The following HP1BP3 variants were observed in gnomAD, a reference collection of about 807,000 sequenced individuals.
HP1BP3 encodes the protein heterochromatin protein 1-binding protein 3.
In HP1BP3, 12 loss-of-function variants were observed where a neutral mutation model predicts 62.5. That is an observed-to-expected ratio of 0.19 (90% CI 0.12 to 0.31). HP1BP3 has a LOEUF of 0.31. HP1BP3 is among the 10% of genes least tolerant of loss of function. The pLI is 1.00. For synonymous variants in HP1BP3, 260 were observed against 237.8 expected (o/e 1.09, Z -0.86); for missense variants, 502 against 651.8 (o/e 0.77, Z 2.50).
intron 10 of HP1BP3, 38 bp downstream of exon 10, chr1:20,749,685 C>T (rs780070092): frequency 1.1e-5 from 18 of 1,571,934 alleles, no homozygotes; most frequent in African/African-American, 2.7e-5. Flanking sequence ...AAAGAAAATT[C>T]TCCTAATCCC....
chr1:20,742,454 A>AT lies in HP1BP3; in HGVS notation c.*2342dup, dbSNP rs2055109164. ...GCAGTCTTTAATAAAATACAAAATG[A>AT]TTTTTTAAACCTTTGATTCATTAAG... On this transcript the variant is annotated 3_prime_UTR_variant, in exon 13 of 13. Coordinates refer to ENST00000438032, the MANE Select transcript of HP1BP3 (RefSeq NM_001372052.1). Among the ~76,000 whole-genome samples the AT allele has an allele frequency of 6.6e-6, 1 of 152,202 alleles. No homozygotes were observed. Among genetic ancestry groups the AT allele is most frequent in the Non-Finnish European group, 1.5e-5 (1 of 68,022 alleles).
At chr1:20,776,009 C>CAAAAAAAAAA in intron 4 of HP1BP3, 5 of 1,220,296 alleles carry the variant, frequency 4.1e-6, no homozygotes, top group South Asian at 1.9e-5. Flanking sequence ...AGCTCTCCTG[C>CAAAAAAAAAA]AAAAAAAAAA....
chr1:20,775,485 T>C (rs1417374127), intron 4 of HP1BP3: 1 of 152,238 alleles, frequency 6.6e-6, no homozygotes, highest in African/African-American at 2.4e-5. Flanking sequence ...TTAAAAGTTT[T>C]TAAAAATAAA....
In HP1BP3 at chr1:20,757,162, T is replaced by G; in HGVS notation, c.981+4A>C. On this transcript the variant is annotated splice_donor_region_variant and intron_variant, in intron 9 of 12. Coordinates refer to ENST00000438032, the MANE Select transcript of HP1BP3 (RefSeq NM_001372052.1). ...TCTCCACAACCAGGCCTCTGATCTC[T>G]AACCTGGAATGTCCCCGAAGCACCT... 2.5e-6 allele frequency: 4 copies of G among 1,597,916 alleles called. No individual in the cohort carries two copies. The highest frequency in any genetic ancestry group is 3.4e-6 in the Non-Finnish European group (4 of 1,167,004).
chr1:20,746,221 T>C (rs1310649489), intron 11 of HP1BP3, among the ~76,000 whole-genome samples: 2 of 151,388 alleles, frequency 1.3e-5, no homozygotes, highest in Non-Finnish European at 2.9e-5. Context: ...TGTGTGTGTG[T>C]GTGTGTTTCT....
intron 11 of HP1BP3, among the ~76,000 whole-genome samples, chr1:20,746,456 T>C (rs918621716): frequency 6.6e-6 from 1 of 152,198 alleles, no homozygotes; most frequent in Non-Finnish European, 1.5e-5. Context: ...GTAACACTTA[T>C]GTTTGTACAG....
chr1:20,769,249 T>G (rs577602867), intron 6 of HP1BP3, among the ~76,000 whole-genome samples: 109 of 152,200 alleles, frequency 7.2e-4, no homozygotes, highest in African/African-American at 2.3e-3. Flanking sequence ...ACCCCTACAT[T>G]TGGCTAATTT....
At chr1:20,758,995 T>C (rs887096230) in intron 8 of HP1BP3, among the ~76,000 whole-genome samples, 2 of 152,030 alleles carry the variant, frequency 1.3e-5, no homozygotes, top group Admixed American at 6.5e-5. Flanking sequence ...AAATACAACG[T>C]GTGGGCCATG....
intron 11 of HP1BP3, among the ~76,000 whole-genome samples, chr1:20,746,752 A>C (rs2055364474): frequency 6.6e-6 from 1 of 152,224 alleles, no homozygotes; most frequent in South Asian, 2.1e-4. Flanking sequence ...ATTAAAACTT[A>C]TGCATATAAT....
In HP1BP3 at chr1:20,747,631, T is replaced by C; in HGVS notation, c.1166A>G (p.Gln389Arg). ...CATCCACCCATTCTTTTCGCATTTC[T>C]GCAGGGTTTTTTTCAGCAAATGCAC... ...YQMHLLKKTLQKCEKNGWMEQ... is the reference protein window; with the variant it reads ...YQMHLLKKTLRKCEKNGWMEQ... The change falls in exon 11 of 13, where the codon CAG (glutamine) becomes CGG (arginine). Residue 389 changes from glutamine to arginine, a missense_variant. By Grantham distance (43) the Gln-to-Arg change is conservative. This residue lies in a region of HP1BP3 where 194 missense variants were observed against 207.0 expected (regional missense o/e 0.94). Coordinates refer to ENST00000438032, the MANE Select transcript of HP1BP3 (RefSeq NM_001372052.1). 1 of 1,613,284 alleles carries C rather than the reference T, an allele frequency of 6.2e-7. No individual in the cohort carries two copies. The highest frequency in any genetic ancestry group is 2.2e-5 in the East Asian group (1 of 44,856).
chr1:20,765,410 G>C lies in HP1BP3; in HGVS notation c.857C>G (p.Ser286Cys), dbSNP rs1344547211. Residue 286 changes from serine (S) to cysteine (C), a missense_variant, in exon 8 of 13, where the codon TCT (serine) becomes TGT (cysteine). Around this residue, in one of 5 missense-constraint regions of HP1BP3, gnomAD observed 111 missense variants for 242.0 expected, o/e 0.46. Transcript: ENST00000438032. Reference sequence around the variant, plus strand: ...CACTCTAAGCTTAGGATAATACTGAGACACATATTTCCTGATGAGACTGTA... The same window carrying C: ...CACTCTAAGCTTAGGATAATACTGACACACATATTTCCTGATGAGACTGTA... ...ASYSLIRKYV[S>C]QYYPKLRVDI... 6.2e-7 allele frequency: 1 copy of C among 1,613,128 alleles called. No individual in the cohort carries two copies. The highest frequency in any genetic ancestry group is 8.5e-7 in the Non-Finnish European group (1 of 1,179,506).
chr1:20,778,309 C>T (rs934309813), intron 3 of HP1BP3, among the ~76,000 whole-genome samples: 2 of 152,150 alleles, frequency 1.3e-5, no homozygotes, highest in Non-Finnish European at 2.9e-5. Context: ...ATAGAGTTTA[C>T]AAAATTTAAA....
At chr1:20,760,381 T>G (rs2056397443) in intron 8 of HP1BP3, among the ~76,000 whole-genome samples, 1 of 152,012 alleles carries the variant, frequency 6.6e-6, no homozygotes, top group Non-Finnish European at 1.5e-5. Flanking sequence ...CTATTAACAA[T>G]TTAAAAACTA....
intron 8 of HP1BP3, among the ~76,000 whole-genome samples, chr1:20,764,420 T>C (rs2056654731): frequency 6.6e-6 from 1 of 151,840 alleles, no homozygotes; most frequent in African/African-American, 2.4e-5. Context: ...CTCGGCTCAC[T>C]GCGAACTCCA....
At chr1:20,757,366 AT>A in intron 8 of HP1BP3, 110 bp from the exon 9 acceptor site, 1 of 417,340 alleles carries the variant, frequency 2.4e-6, no homozygotes. Flanking sequence ...TACTATTATT[AT>A]TATTATTTTT....
rs1001414734 is a variant in HP1BP3, at chr1:20,741,054, A to G, written c.*3743T>C. On this transcript the variant is annotated 3_prime_UTR_variant, in exon 13 of 13. Coordinates refer to ENST00000438032, the MANE Select transcript of HP1BP3 (RefSeq NM_001372052.1). ...TGCAAAAGCAAAATCTACATGCTAG[A>G]AAGTAATGTCAACCAGAACCTCTGG... Among the ~76,000 whole-genome samples the G allele has an allele frequency of 1.3e-5, 2 of 152,234 alleles. No homozygotes were observed. Among genetic ancestry groups the G allele is most frequent in the Non-Finnish European group, 1.5e-5 (1 of 68,038 alleles).
intron 9 of HP1BP3, among the ~76,000 whole-genome samples, chr1:20,752,211 G>A (rs999969920): frequency 1.3e-5 from 2 of 151,916 alleles, no homozygotes; most frequent in African/African-American, 2.4e-5. Flanking sequence ...GCAGTAAGCC[G>A]AGATCAAGCC....
At chr1:20,773,838 C>A in intron 4 of HP1BP3, 1 of 355,670 alleles carries the variant, frequency 2.8e-6, no homozygotes. Context: ...AGAAAGGAGT[C>A]ACATAAATTA....
chr1:20,779,997 G>A (rs1330274668), intron 2 of HP1BP3, 86 bp from the exon 3 acceptor site: 1 of 987,826 alleles, frequency 1.0e-6, no homozygotes. Context: ...GGTGTCAGAT[G>A]TAGGAGAATT....
Sources: allele counts gnomAD v4.1 joint callset (sites outside exome capture counted in the v4.1 genomes callset), GRCh38; gene constraint gnomAD v4.1.1; regional missense constraint gnomAD v4.1.1; transcripts MANE v1.5; gene names NCBI Gene and HGNC (gene_info 2026-07-23, HGNC 2026-07-21).